SYT14: variants seen among roughly 807,000 people sequenced by gnomAD.
The protein encoded by SYT14 is synaptotagmin-14.
Under a neutral mutation model 74.2 loss-of-function variants are expected in SYT14, and 32 were observed. The ratio of observed to expected loss-of-function variants is 0.43; its 90% CI spans 0.33 to 0.58. The LOEUF (loss-of-function observed/expected upper bound fraction) is 0.58. SYT14 is among the 20% of genes least tolerant of loss of function. The pLI is 0.05. For missense variants in SYT14, 791 were observed against 981.8 expected (o/e 0.81, Z 2.60); for synonymous variants, 298 against 337.7 (o/e 0.88, Z 1.29).
At chr1:210,013,727 T>C in exon 3 of SYT14, 2 of 1,613,138 alleles carry the variant, frequency 1.2e-6, no homozygotes, top group Middle Eastern at 1.8e-4. Context: ...AGTTCTGTTT[T>C]GAAAATGTTG....
chr1:210,111,371 G>A (rs970501772), intron 7 of SYT14, among the ~76,000 whole-genome samples: 3 of 151,766 alleles, frequency 2.0e-5, no homozygotes, highest in South Asian at 2.1e-4. Context: ...GGCAGGAACC[G>A]GCCATTTTCA....
chr1:210,107,863 ATGG>A (rs2102568796), intron 7 of SYT14, among the ~76,000 whole-genome samples: 1 of 149,998 alleles, frequency 6.7e-6, no homozygotes, highest in African/African-American at 2.4e-5. Context: ...GTTTAGGTTT[ATGG>A]TGATTTTTTT....
chr1:210,067,279 T>C (rs751538065), intron 5 of SYT14, among the ~76,000 whole-genome samples: 52 of 152,186 alleles, frequency 3.4e-4, no homozygotes, highest in Admixed American at 1.7e-3. Flanking sequence ...GCTATTCTGG[T>C]TATCCTTGCA....
At chr1:209,973,899 C>T (rs547122500) in intron 2 of SYT14, among the ~76,000 whole-genome samples, 20,610 of 151,862 alleles carry the variant, frequency 0.14, 4,320 homozygotes, top group African/African-American at 0.46. Flanking sequence ...TAATGATCGC[C>T]ATTCTAACTG....
intron 5 of SYT14, among the ~76,000 whole-genome samples, chr1:210,054,699 A>G (rs1424790386): frequency 6.6e-6 from 1 of 152,158 alleles, no homozygotes; most frequent in African/African-American, 2.4e-5. Flanking sequence ...GTCAGTGTTT[A>G]TAACTGTTGT....
intron 5 of SYT14, among the ~76,000 whole-genome samples, chr1:210,037,799 A>G (rs1277715236): frequency 6.6e-6 from 1 of 151,986 alleles, no homozygotes; most frequent in Non-Finnish European, 1.5e-5. Context: ...GTCGAGGAAG[A>G]TATTTGATAT....
intron 5 of SYT14, among the ~76,000 whole-genome samples, chr1:210,034,040 A>G (rs12079711): frequency 0.17 from 25,274 of 151,842 alleles, 6,682 homozygotes; most frequent in African/African-American, 0.56. Flanking sequence ...TCTGCAAATA[A>G]CAATAGCTAT....
intron 5 of SYT14, among the ~76,000 whole-genome samples, chr1:210,059,449 T>G (rs2782138): frequency 0.16 from 14,504 of 88,118 alleles, 1,094 homozygotes; most frequent in Middle Eastern, 0.21. Context: ...TATATATATA[T>G]ATAGAGAGAG....
chr1:209,965,349 A>T (rs2079139029), intron 2 of SYT14, among the ~76,000 whole-genome samples: 1 of 152,202 alleles, frequency 6.6e-6, no homozygotes, highest in South Asian at 2.1e-4. Flanking sequence ...ACTTAGGATG[A>T]TGGCCTCCAA....
intron 7 of SYT14, among the ~76,000 whole-genome samples, chr1:210,125,727 G>T (rs966513681): frequency 6.6e-6 from 1 of 152,168 alleles, no homozygotes; most frequent in African/African-American, 2.4e-5. Context: ...ATTCCTGACT[G>T]ATGTAGTTCA....
chr1:210,151,505 C>CCG (rs1294683778), intron 7 of SYT14, among the ~76,000 whole-genome samples: 1 of 12,492 alleles, frequency 8.0e-5, no homozygotes, highest in Non-Finnish European at 3.2e-4. Context: ...TAGGCGAATG[C>CCG]CCCCCCCCTT....
intron 5 of SYT14, among the ~76,000 whole-genome samples, chr1:210,091,553 G>A (rs1281452444): frequency 6.6e-6 from 1 of 152,130 alleles, no homozygotes; most frequent in Non-Finnish European, 1.5e-5. Flanking sequence ...AGCCAGGCAT[G>A]GTGGCTCATG....
chr1:209,969,046 C>T (rs1198299152), intron 2 of SYT14, among the ~76,000 whole-genome samples: 1 of 152,096 alleles, frequency 6.6e-6, no homozygotes, highest in Non-Finnish European at 1.5e-5. Flanking sequence ...GGGCCTCTAG[C>T]TGCATCCATG....
chr1:210,093,783 G>A (rs2081920114), intron 5 of SYT14, among the ~76,000 whole-genome samples: 1 of 152,158 alleles, frequency 6.6e-6, no homozygotes, highest in Admixed American at 6.5e-5. Context: ...CCTCATTCTA[G>A]GATTCTGGAT....
chr1:210,057,456 T>C (rs1307437968), intron 5 of SYT14, among the ~76,000 whole-genome samples: 1 of 152,240 alleles, frequency 6.6e-6, no homozygotes, highest in African/African-American at 2.4e-5. Flanking sequence ...CTTTCTATTT[T>C]CAGAATTTCT....
intron 5 of SYT14, among the ~76,000 whole-genome samples, chr1:210,048,727 C>T (rs890285850): frequency 1.3e-5 from 2 of 152,170 alleles, no homozygotes; most frequent in African/African-American, 4.8e-5. Flanking sequence ...CCAACGGTCC[C>T]CCAGAGTCTT....
rs2078871418 is a variant in SYT14 at position 209,949,241 on chromosome 1, T to C, written c.-533-3468T>C. On this transcript the variant is annotated intron_variant, in intron 1 of 9. Coordinates refer to ENST00000637265, the Ensembl canonical transcript of SYT14. The stretch of plus-strand genomic sequence containing the variant: ...TTTAACCTGGAGAATGCATGTTTTT[T>C]TCCTTATACTCCTCCCAGTCTTAGG... Among the ~76,000 whole-genome samples the C allele has an allele frequency of 2.0e-5, 3 of 152,198 alleles. No individual in the cohort carries two copies. In the South Asian group the frequency reaches 6.2e-4, roughly 31 times the overall value.
intron 7 of SYT14, among the ~76,000 whole-genome samples, chr1:210,118,929 T>A (rs1447864871): frequency 6.6e-6 from 1 of 152,176 alleles, no homozygotes; most frequent in African/African-American, 2.4e-5. Context: ...CCCATCATGC[T>A]AATCTAAAAT....
intron 1 of SYT14, among the ~76,000 whole-genome samples, chr1:209,950,332 A>T (rs1235313900): frequency 6.6e-6 from 1 of 152,108 alleles, no homozygotes; most frequent in African/African-American, 2.4e-5. Context: ...TTATTACATG[A>T]CCCTTCTAAT....
Sources: allele counts gnomAD v4.1 joint callset (sites outside exome capture counted in the v4.1 genomes callset), GRCh38; gene constraint gnomAD v4.1.1; transcripts MANE v1.5; gene names NCBI Gene and HGNC (gene_info 2026-07-23, HGNC 2026-07-21).